Variants in HAPSTR1 observed in about 807,000 individuals in gnomAD.
HAPSTR1 encodes the protein HUWE1 associated protein modifying stress responses, also known as HUWE1-associated protein modifying stress responses 1.
At chr16:9,121,174 G>C in the HAPSTR1 span, 1 of 152,194 alleles carries the variant, frequency 6.6e-6, no homozygotes, top group Non-Finnish European at 1.5e-5. Context: ...GGCCAGTCTT[G>C]AATTCCTGAC....
chr16:9,092,892 G>GTTTTTTTTTTTTTTTTGTT, the HAPSTR1 span: 2 of 1,267,474 alleles, frequency 1.6e-6, no homozygotes, highest in Non-Finnish European at 1.1e-6. Context: ...TTTCTTTTTG[G>GTTTTTTTTTTTTTTTTGTT]TTTTTTTTTT....
At chr16:9,115,814 C>T in the HAPSTR1 span, among the ~76,000 whole-genome samples, 1 of 152,078 alleles carries the variant, frequency 6.6e-6, no homozygotes, top group Non-Finnish European at 1.5e-5. Context: ...GAGTTTTCAC[C>T]ATGTTGGCCA....
the HAPSTR1 span, chr16:9,102,857 T>C: frequency 1.3e-5 from 12 of 893,988 alleles, no homozygotes; most frequent in South Asian, 2.0e-4. Context: ...TCAGTTTATA[T>C]TACTGATGGG....
At chr16:9,116,696 C>T in the HAPSTR1 span, 5 of 1,614,030 alleles carry the variant, frequency 3.1e-6, no homozygotes, top group East Asian at 2.2e-5. Context: ...CTAGTATAAG[C>T]GTGCGTTCGA....
At chr16:9,103,366 A>G in the HAPSTR1 span, 10 of 1,181,212 alleles carry the variant, frequency 8.5e-6, no homozygotes, top group Non-Finnish European at 1.2e-5. Context: ...TTTGTCTTAC[A>G]GTAAACAGCT....
chr16:9,112,756 T>C, the HAPSTR1 span: 10 of 152,254 alleles, frequency 6.6e-5, no homozygotes, highest in Non-Finnish European at 1.2e-4. Flanking sequence ...AAGTTTGTTT[T>C]AGCTCCAGTG....
At chr16:9,106,813 A>G in the HAPSTR1 span, 1 of 152,274 alleles carries the variant, frequency 6.6e-6, no homozygotes, top group East Asian at 1.9e-4. Context: ...ATAAAATAAC[A>G]TTATTATAAA....
At chr16:9,096,489 C>T in the HAPSTR1 span, among the ~76,000 whole-genome samples, 4 of 152,292 alleles carry the variant, frequency 2.6e-5, no homozygotes, top group African/African-American at 9.6e-5. Context: ...CATCTTGATG[C>T]CAAGCCCTCT....
the HAPSTR1 span, chr16:9,112,687 G>T: frequency 1.3e-5 from 2 of 152,194 alleles, no homozygotes; most frequent in African/African-American, 4.8e-5. Context: ...CATGAACTTG[G>T]TATGAAAATA....
the HAPSTR1 span, among the ~76,000 whole-genome samples, chr16:9,115,474 G>C: frequency 6.0e-4 from 92 of 152,298 alleles, 5 homozygotes; most frequent in South Asian, 0.019. Context: ...GCAACACTGT[G>C]TTTGGTGTTT....
At chr16:9,094,698 G>C in the HAPSTR1 span, among the ~76,000 whole-genome samples, 4 of 152,158 alleles carry the variant, frequency 2.6e-5, no homozygotes, top group African/African-American at 9.7e-5. Context: ...AGTGCCTTTT[G>C]ATTGGCTAGT....
the HAPSTR1 span, among the ~76,000 whole-genome samples, chr16:9,092,602 A>T: frequency 6.6e-6 from 1 of 151,862 alleles, no homozygotes; most frequent in African/African-American, 2.4e-5. Context: ...GCGAAGGGAG[A>T]CGGCGGGGCG....
chr16:9,102,531 C>A, the HAPSTR1 span, among the ~76,000 whole-genome samples: 1 of 152,168 alleles, frequency 6.6e-6, no homozygotes, highest in Non-Finnish European at 1.5e-5. Flanking sequence ...ATTAATTTTT[C>A]CTTCTAAAAC....
the HAPSTR1 span, among the ~76,000 whole-genome samples, chr16:9,114,056 A>G: frequency 5.3e-5 from 8 of 152,352 alleles, no homozygotes; most frequent in African/African-American, 1.9e-4. Context: ...GATATTTTCT[A>G]TAGGAAGAGA....
the HAPSTR1 span, chr16:9,111,698 G>T: frequency 1.3e-5 from 2 of 152,028 alleles, no homozygotes; most frequent in Non-Finnish European, 2.9e-5. Context: ...AAGCAGTTTT[G>T]ATATTCATTC....
chr16:9,103,160 A>C, the HAPSTR1 span: 1 of 1,614,180 alleles, frequency 6.2e-7, no homozygotes, highest in East Asian at 2.2e-5. Flanking sequence ...AGCTCCCCCA[A>C]GACTGACTGT....
chr16:9,110,756 G>C, the HAPSTR1 span: 1 of 152,272 alleles, frequency 6.6e-6, no homozygotes, highest in Non-Finnish European at 1.5e-5. Flanking sequence ...GGATGGTATG[G>C]CTGGGGCAGC....
the HAPSTR1 span, chr16:9,118,500 T>G: frequency 6.5e-6 from 1 of 152,682 alleles, no homozygotes; most frequent in Non-Finnish European, 1.5e-5. Context: ...TGAAGTTCTG[T>G]ATTCATTATA....
chr16:9,100,493 T>C, the HAPSTR1 span, among the ~76,000 whole-genome samples: 1 of 152,132 alleles, frequency 6.6e-6, no homozygotes, highest in East Asian at 1.9e-4. Flanking sequence ...TAGCTTCTCT[T>C]TTTTTGCTGT....
Sources: allele counts gnomAD v4.1 joint callset (sites outside exome capture counted in the v4.1 genomes callset), GRCh38; gene constraint gnomAD v4.1.1; transcripts MANE v1.5; gene names NCBI Gene and HGNC (gene_info 2026-07-23, HGNC 2026-07-21).